RPS6KA2: variants seen among roughly 807,000 people sequenced by gnomAD.
RPS6KA2 encodes ribosomal protein S6 kinase alpha-2.
Under a neutral mutation model 91.8 loss-of-function variants are expected in RPS6KA2, and 42 were observed. The observed-to-expected ratio is 0.46, with a 90% CI of 0.36 to 0.59. The LOEUF is 0.59. RPS6KA2 is among the 20% of genes least tolerant of loss of function. The probability of loss-of-function intolerance (pLI) is 0.00; values close to 1 mark genes in which losing one functional copy is unlikely to be tolerated. For missense variants in RPS6KA2, 798 were observed against 978.5 expected (o/e 0.82, Z 2.46); for synonymous variants, 414 against 393.6 (o/e 1.05, Z -0.61).
intron 1 of RPS6KA2, among the ~76,000 whole-genome samples, chr6:166,590,671 T>C (rs1205110440): frequency 6.6e-6 from 1 of 152,204 alleles, no homozygotes; most frequent in East Asian, 1.9e-4. Context: ...TTAATGGGCT[T>C]TCCTGCAGTA....
At chr6:166,637,163 T>A (rs76145117) in intron 2 of RPS6KA2, among the ~76,000 whole-genome samples, 3,932 of 152,290 alleles carry the variant, frequency 0.026, 174 homozygotes, top group African/African-American at 0.09. Flanking sequence ...TAGGTCTGGC[T>A]TCCACTGGGA....
intron 2 of RPS6KA2, among the ~76,000 whole-genome samples, chr6:166,706,231 A>T (rs2128578239): frequency 6.6e-6 from 1 of 152,294 alleles, no homozygotes; most frequent in East Asian, 1.9e-4. Flanking sequence ...TTTATCAAAT[A>T]CCTCTCTGTA....
At chr6:166,709,363 C>T (rs1017990396) in intron 2 of RPS6KA2, among the ~76,000 whole-genome samples, 2 of 149,600 alleles carry the variant, frequency 1.3e-5, no homozygotes, top group Non-Finnish European at 2.9e-5. Flanking sequence ...TAAGTTGGCT[C>T]ACGCCTGTCA....
chr6:166,663,123 C>CAGACTAAT (rs202178550), intron 2 of RPS6KA2, among the ~76,000 whole-genome samples: 5,464 of 152,220 alleles, frequency 0.036, 137 homozygotes, highest in Non-Finnish European at 0.056. Flanking sequence ...GGAGCCTGAG[C>CAGACTAAT]AGACTAATAT....
In RPS6KA2 at chr6:166,437,627, T is replaced by C. The variant is rs1779372766; in HGVS notation, c.1333-5137A>G. 6.6e-6 allele frequency among the ~76,000 whole-genome samples: 1 copy of C among 152,212 alleles called. No individual in the cohort carries two copies. The highest frequency in any genetic ancestry group is 1.5e-5 in the Non-Finnish European group (1 of 68,044). ...GTGTTGCCACCGAGCAGGCTGAATA[T>C]TTCCACCTTCCTTAGAGATGCTGAG... is the stretch of plus-strand genomic sequence containing the variant. On this transcript the variant is annotated intron_variant, in intron 14 of 20. Coordinates refer to ENST00000265678, the MANE Select transcript of RPS6KA2 (RefSeq NM_021135.6). This position sits in a 1 kb window ranked among gnomAD's most constrained non-coding sequence, Gnocchi z 4.3.
Position 166,626,050 on chromosome 6 carries a change from G to A in RPS6KA2, c.99+871C>T, listed in dbSNP as rs776245186. 1.3e-5 allele frequency among the ~76,000 whole-genome samples: 2 copies of A among 152,184 alleles called. No individual in the cohort carries two copies. The highest frequency in any genetic ancestry group is 1.3e-4 in the Admixed American group (2 of 15,286). ...CAGGTGCCAGCCTTGAGGCAAAGGC[G>A]GGACAGTGTCAGGCGAAATCTTTGG... On this transcript the variant is annotated intron_variant, in intron 1 of 20. Transcript: ENST00000265678. The surrounding 1 kb of genome is among the most constrained non-coding windows in gnomAD (Gnocchi z 4.1).
exon 1 of RPS6KA2, chr6:166,862,216 GGAAATAAACAGAGGC>G: frequency 6.2e-7 from 1 of 1,613,474 alleles, no homozygotes; most frequent in African/African-American, 1.3e-5. Flanking sequence ...TAGTAGGAAA[GGAAATAAACAGAGGC>G]TCGGACCGGC....
chr6:166,789,130 G>A (rs899133532), intron 2 of RPS6KA2, among the ~76,000 whole-genome samples: 8 of 152,266 alleles, frequency 5.3e-5, no homozygotes, highest in East Asian at 3.9e-4. Context: ...GGTGACACAC[G>A]GCACCTGGAA....
At chr6:166,844,868 C>CA (rs926780764) in intron 2 of RPS6KA2, among the ~76,000 whole-genome samples, 6 of 133,026 alleles carry the variant, frequency 4.5e-5, no homozygotes, top group East Asian at 2.1e-4. Context: ...ACAACAACAA[C>CA]AAAAAAAACA....
rs1434510699 is a variant in RPS6KA2 at position 166,852,268 on chromosome 6, T to C, written c.123+5932A>G. On this transcript the variant is annotated intron_variant, in intron 2 of 21. Transcript: ENST00000503859. This position sits in a 1 kb window ranked among gnomAD's most constrained non-coding sequence, Gnocchi z 4.1. Reference sequence around the variant, plus strand: ...GCCACAGAGACAGATTCACAGGAGGTAATAAGCAGGGCCTGGAAGATTGTT... The same window carrying C: ...GCCACAGAGACAGATTCACAGGAGGCAATAAGCAGGGCCTGGAAGATTGTT... Among the ~76,000 whole-genome samples, 5 of 152,070 alleles carry C rather than the reference T, an allele frequency of 3.3e-5. No individual in the cohort carries two copies. Among genetic ancestry groups the C allele is most frequent in the African/African-American group, 1.2e-4 (5 of 41,376 alleles).
At chr6:166,614,412 C>T (rs1005575982) in intron 1 of RPS6KA2, among the ~76,000 whole-genome samples, 1 of 152,212 alleles carries the variant, frequency 6.6e-6, no homozygotes, top group East Asian at 1.9e-4. Flanking sequence ...CGCTTCCTAC[C>T]CAGGCCCCGA....
chr6:166,556,379 C>T (rs59428699), intron 1 of RPS6KA2, among the ~76,000 whole-genome samples: 1 of 152,198 alleles, frequency 6.6e-6, no homozygotes, highest in Admixed American at 6.5e-5. Flanking sequence ...ACTTTTCCCC[C>T]TACTACCTGA....
chr6:166,750,714 T>G (rs1583078159), intron 2 of RPS6KA2, among the ~76,000 whole-genome samples: 1 of 152,142 alleles, frequency 6.6e-6, no homozygotes, highest in East Asian at 1.9e-4. Flanking sequence ...GTCTGGGACA[T>G]TGCCACGGAA....
At position 166,496,395 on chromosome 6, in the gene RPS6KA2, A is replaced by T. The variant is rs192008070; in HGVS notation, c.747+2113T>A. On this transcript the variant is annotated intron_variant, in intron 8 of 20. Coordinates refer to ENST00000265678, the MANE Select transcript of RPS6KA2 (RefSeq NM_021135.6). ...AAATAAAAAGAAAAAAAAGAAAAAAAATTAAATATATATTTTATATTATGA... is the reference window on the plus strand; with the variant it reads ...AAATAAAAAGAAAAAAAAGAAAAAATATTAAATATATATTTTATATTATGA... Among the ~76,000 whole-genome samples, 607 of 151,724 alleles carry T rather than the reference A, an allele frequency of 4.0e-3. 3 individuals are homozygous for T. Among genetic ancestry groups the T allele is most frequent in the South Asian group, 0.015 (71 of 4,808 alleles).
At chr6:166,517,449 T>TAAAAA (rs1782685263) in intron 3 of RPS6KA2, among the ~76,000 whole-genome samples, 2 of 120,256 alleles carry the variant, frequency 1.7e-5, no homozygotes, top group East Asian at 4.2e-4. Flanking sequence ...GGCGTTCTTT[T>TAAAAA]GTTTTGTTTT....
At chr6:166,476,694 CA>C (rs1247569616) in intron 10 of RPS6KA2, among the ~76,000 whole-genome samples, 6 of 151,982 alleles carry the variant, frequency 3.9e-5, no homozygotes, top group Non-Finnish European at 5.9e-5. Flanking sequence ...GGAGAGTCTA[CA>C]GCTCGAGGGG....
chr6:166,506,090 G>A lies in RPS6KA2; in HGVS notation c.460-1478C>T, dbSNP rs544406126. Among the ~76,000 whole-genome samples the A allele has an allele frequency of 4.6e-5, 7 of 151,556 alleles. No homozygotes were observed. The East Asian group carries it at 5.8e-4, about 13-fold the overall frequency. On this transcript the variant is annotated intron_variant, in intron 5 of 20. Coordinates refer to ENST00000265678, the MANE Select transcript of RPS6KA2 (RefSeq NM_021135.6). ...TGGTCCCCGTAAGATGCTGGACCCC[G>A]TACTTGCTAAATGACGACCCAAGGT...
chr6:166,468,592 G>A (rs984198827), intron 11 of RPS6KA2, among the ~76,000 whole-genome samples: 1 of 152,176 alleles, frequency 6.6e-6, no homozygotes, highest in African/African-American at 2.4e-5. Flanking sequence ...GGCCGGGCGC[G>A]GTGGCTCACG....
At chr6:166,783,602 CTACA>C (rs1480408245) in intron 2 of RPS6KA2, among the ~76,000 whole-genome samples, 1 of 150,648 alleles carries the variant, frequency 6.6e-6, no homozygotes, top group Admixed American at 6.6e-5. Flanking sequence ...ATATCTAAAA[CTACA>C]TATATATGTA....
Sources: allele counts gnomAD v4.1 joint callset (sites outside exome capture counted in the v4.1 genomes callset), GRCh38; gene constraint gnomAD v4.1.1; non-coding constraint Gnocchi (gnomAD v3.1); transcripts MANE v1.5; gene names NCBI Gene and HGNC (gene_info 2026-07-23, HGNC 2026-07-21).